VILL: variants seen among roughly 807,000 people sequenced by gnomAD.
VILL encodes villin-like protein.
A neutral mutation model predicts 106.3 loss-of-function variants in VILL; 102 were observed. The ratio of observed to expected loss-of-function variants is 0.96; its 90% CI spans 0.82 to 1.13. The LOEUF is 1.13. Among genes scored for constraint, VILL ranks in the 50% most tolerant of loss-of-function variants. VILL has a pLI of 0.00. For missense variants in VILL, 1,076 were observed against 1,116.6 expected, an observed-to-expected ratio of 0.96 and a Z score of 0.52; for synonymous variants, 431 against 440.3, an observed-to-expected ratio of 0.98 and a Z score of 0.27.
intron 15 of VILL, 195 bp from the exon 16 acceptor site, chr3:38,004,060 C>A: frequency 3.2e-6 from 2 of 620,896 alleles, no homozygotes; most frequent in Non-Finnish European, 5.2e-6. Flanking sequence ...GGGGCGAGAG[C>A]TTTCTCCATG....
Position 37,997,721 on chromosome 3 carries a change from C to A in VILL, c.764+36C>A. On this transcript the variant is annotated intron_variant, in intron 7 of 19. Coordinates refer to ENST00000383759, the MANE Select transcript of VILL (RefSeq NM_015873.4). This position sits in a 1 kb window ranked among gnomAD's most constrained non-coding sequence, Gnocchi z 4.7. ...CTGGGGTGGGCAGGGGTGGGTGGGA[C>A]AGTCCAGGACTCTGTGTCCATCACT... 2 of 1,572,014 alleles carry A rather than the reference C, an allele frequency of 1.3e-6. No individual in the cohort carries two copies. The highest frequency in any genetic ancestry group is 2.2e-5 in the East Asian group (1 of 44,472).
At position 38,003,255 on chromosome 3, in the gene VILL, G is replaced by C; in HGVS notation, c.1747G>C (p.Glu583Gln). ...KNEETVLEGQ[E>Q]PPHFWEALGG... The stretch of plus-strand genomic sequence containing the variant: ...TGAGGAAACGGTGCTGGAGGGTCAG[G>C]AGCCTCCCCACTTCTGGGAGGCCCT... The change falls in exon 15 of 20, where the codon GAG becomes CAG. Residue 583 changes from glutamate (E) to glutamine (Q), a missense_variant. Physicochemically the swap from Glu to Gln is conservative, Grantham distance 29 (BLOSUM62 2). Transcript: ENST00000383759. 4 of 1,613,782 alleles carry C rather than the reference G, an allele frequency of 2.5e-6. No individual in the cohort carries two copies. The highest frequency in any genetic ancestry group is 3.4e-6 in the Non-Finnish European group (4 of 1,179,874).
intron 1 of VILL, among the ~76,000 whole-genome samples, chr3:37,992,689 AC>A (rs1699628064): frequency 6.6e-6 from 1 of 151,870 alleles, no homozygotes; most frequent in African/African-American, 2.4e-5. Flanking sequence ...CCCAGCTCTA[AC>A]CCCCTAGAAG....
In VILL at chr3:37,990,811, CG is replaced by C. The variant is rs895999301; in HGVS notation, c.-102del. 6.6e-5 allele frequency: 10 copies of C among 152,478 alleles called. No homozygotes were observed. The highest frequency in any genetic ancestry group is 2.4e-4 in the African/African-American group (10 of 41,524). The allele number at this position is 152,478 out of a possible 1,614,324, so 9.4% of individuals were successfully genotyped here. ...ACTGCCCACAGGCAGGGCGAAGGCG[CG>C]GGAGCAGTTTCCAGCAGGTAGGCCT... is the stretch of plus-strand genomic sequence containing the variant. On this transcript the variant is annotated 5_prime_UTR_variant, in exon 1 of 20. Coordinates refer to ENST00000383759, the MANE Select transcript of VILL (RefSeq NM_015873.4). The surrounding 1 kb of genome is among the most constrained non-coding windows in gnomAD (Gnocchi z 5.1).
At chr3:38,001,428 C>T in intron 11 of VILL, 28 bp from the exon 12 acceptor site, 10 of 1,611,112 alleles carry the variant, frequency 6.2e-6, no homozygotes, top group Non-Finnish European at 8.5e-6. Context: ...GAGCAGCCAC[C>T]TGTGCCCATT....
chr3:38,001,307 A>C (rs1699811345), intron 11 of VILL, 149 bp from the exon 12 acceptor site: 1 of 1,206,038 alleles, frequency 8.3e-7, no homozygotes, highest in East Asian at 2.4e-5. Flanking sequence ...CACAAGGCCC[A>C]GAATGGGCCT....
At position 37,998,139 on chromosome 3, in the gene VILL, C is replaced by A. The variant is rs369610074; in HGVS notation, c.814C>A (p.Pro272Thr). Residue 272 changes from proline to threonine, a missense_variant, in exon 8 of 20, where the codon CCA becomes ACA. By Grantham distance (38) the Pro-to-Thr change is conservative. Transcript: ENST00000383759. The surrounding 1 kb of genome is among the most constrained non-coding windows in gnomAD (Gnocchi z 4.1). Reference protein sequence around the residue: ...DLVVLELATPPLTQDLLQEED... With the variant: ...DLVVLELATPTLTQDLLQEED... Reference sequence around the variant, plus strand: ...GGTGGTCCTGGAGTTGGCGACCCCCCCACTGACCCAGGACCTGCTGCAGGA... The same window carrying A: ...GGTGGTCCTGGAGTTGGCGACCCCCACACTGACCCAGGACCTGCTGCAGGA... The A allele has an allele frequency of 5.0e-6, 8 of 1,613,848 alleles. No individual in the cohort carries two copies. The highest frequency in any genetic ancestry group is 6.8e-6 in the Non-Finnish European group (8 of 1,179,878).
At position 38,001,306 on chromosome 3, in the gene VILL, C is replaced by T; in HGVS notation, c.1183-150C>T. On this transcript the variant is annotated intron_variant, in intron 11 of 19. Transcript: ENST00000383759. Reference sequence around the variant, plus strand: ...CTTGTACAAAGCCCAGCACAAGGCCCAGAATGGGCCTGGAGCTGAGGGTGG... The same window carrying T: ...CTTGTACAAAGCCCAGCACAAGGCCTAGAATGGGCCTGGAGCTGAGGGTGG... 7.5e-6 allele frequency: 9 copies of T among 1,200,366 alleles called. No individual in the cohort carries two copies. The South Asian group carries it at 1.1e-4, about 14-fold the overall frequency. 74.4% of individuals were successfully genotyped at this position (1,200,366 alleles called of 1,614,324 possible). A position where few individuals can be genotyped will look rare whatever the true frequency, so the allele number is the denominator to read the frequency against.
At chr3:38,000,895 C>G (rs1313084945) in intron 11 of VILL, 1 of 456,754 alleles carries the variant, frequency 2.2e-6, no homozygotes, top group Non-Finnish European at 4.4e-6. Context: ...AGGCCCGAAG[C>G]TTAGAACAAT....
chr3:38,004,142 C>T (rs544349998), intron 15 of VILL, 113 bp from the exon 16 acceptor site: 6 of 1,437,520 alleles, frequency 4.2e-6, no homozygotes, highest in Admixed American at 2.2e-5. Context: ...AGAGGAGGGC[C>T]CAGGGCTCCC....
chr3:37,995,873 A>G, intron 5 of VILL, 26 bp downstream of exon 5: 1 of 1,599,414 alleles, frequency 6.3e-7, no homozygotes, highest in Non-Finnish European at 8.6e-7. Context: ...GAGCCTCTTG[A>G]CCTCTGAACT....
Position 37,999,063 on chromosome 3 carries a change from GGC to G in VILL, c.1081+15_1081+16del, listed in dbSNP as rs1389684972. 1 of 1,464,034 alleles carries G rather than the reference GGC, an allele frequency of 6.8e-7. No individual in the cohort carries two copies. Among genetic ancestry groups the G allele is most frequent in the Non-Finnish European group, 9.1e-7 (1 of 1,095,768 alleles). The allele number at this position is 1,464,034 out of a possible 1,614,324, so 90.7% of individuals were successfully genotyped here. On this transcript the variant is annotated intron_variant, in intron 10 of 19. Coordinates refer to ENST00000383759, the MANE Select transcript of VILL (RefSeq NM_015873.4). Reference sequence around the variant, plus strand: ...CTCGGCGGGAGGGGTGAGCGGGCGGGGCGGGGCTGACGGGGGCGGGGCGGGAC... The same window carrying G: ...CTCGGCGGGAGGGGTGAGCGGGCGGGGGGGCTGACGGGGGCGGGGCGGGAC...
chr3:37,990,737 T>C (rs67183724), upstream of VILL: 9,666 of 152,574 alleles, frequency 0.063, 444 homozygotes, highest in African/African-American at 0.12. The surrounding 1 kb of genome is among the most constrained non-coding windows in gnomAD (Gnocchi z 5.1). Context: ...GTTACAGTGG[T>C]GGGGACCAGG....
chr3:38,003,314 G>A lies in VILL; in HGVS notation c.1805+1G>A. ...GGGCCCCCTACCCCAGCAACAAGAG[G>A]TAACAGGGTTGGGAGGAGAGTGTTC... On this transcript the variant is annotated splice_donor_variant, in intron 15 of 19. Coordinates refer to ENST00000383759, the MANE Select transcript of VILL (RefSeq NM_015873.4). LOFTEE classifies it high-confidence loss of function. 6.2e-7 allele frequency: 1 copy of A among 1,606,234 alleles called. No individual in the cohort carries two copies. Among genetic ancestry groups the A allele is most frequent in the Non-Finnish European group, 8.5e-7 (1 of 1,177,134 alleles).
chr3:37,995,956 C>G, intron 5 of VILL, 109 bp downstream of exon 5: 1 of 799,334 alleles, frequency 1.3e-6, no homozygotes, highest in South Asian at 1.5e-5. Flanking sequence ...AAGGAGCTGT[C>G]AGCATTCCCA....
At chr3:37,988,692 G>A (rs529401424), upstream of VILL, among the ~76,000 whole-genome samples, 4 of 152,202 alleles carry the variant, frequency 2.6e-5, no homozygotes, top group East Asian at 3.9e-4. Context: ...GTGAAACCCC[G>A]TCTCTACCAA....
At chr3:37,994,543 C>CG in intron 4 of VILL, 77 bp downstream of exon 4, 1 of 1,526,114 alleles carries the variant, frequency 6.6e-7, no homozygotes. Context: ...GGATGGCCAT[C>CG]GTCCACATCC....
chr3:37,999,006 C>T lies in VILL; in HGVS notation c.1037C>T (p.Thr346Ile), dbSNP rs1559657053. The T allele has an allele frequency of 8.9e-6, 14 of 1,575,288 alleles. No homozygotes were observed. Among genetic ancestry groups the T allele is most frequent in the Non-Finnish European group, 1.2e-5 (14 of 1,157,662 alleles). The change falls in exon 10 of 20, where the codon ACT (threonine) becomes ATT (isoleucine). Residue 346 changes from threonine to isoleucine, a missense_variant. Transcript: ENST00000383759. ...ESAAFKQLFR[T>I]WSEKRRRNQK... ...GCCGCGTTCAAGCAGCTCTTCCGGA[C>T]TTGGTCTGAGAAGCGGCGCAGGAAC...
At chr3:37,991,580 G>T (rs60721494) in intron 1 of VILL, among the ~76,000 whole-genome samples, 19,482 of 151,878 alleles carry the variant, frequency 0.13, 1,327 homozygotes, top group South Asian at 0.19. Flanking sequence ...AAGCGGAGGC[G>T]TGGGGCATGG....
Sources: allele counts gnomAD v4.1 joint callset (sites outside exome capture counted in the v4.1 genomes callset), GRCh38; gene constraint gnomAD v4.1.1; non-coding constraint Gnocchi (gnomAD v3.1); transcripts MANE v1.5; gene names NCBI Gene and HGNC (gene_info 2026-07-23, HGNC 2026-07-21).